Variants in STXBP3 observed in about 807,000 individuals in gnomAD.
STXBP3 encodes syntaxin-binding protein 3.
In STXBP3, 41 loss-of-function variants were observed where a neutral mutation model predicts 85.7. The ratio of observed to expected loss-of-function variants is 0.48; its 90% CI spans 0.37 to 0.62. The LOEUF is 0.62. STXBP3 is among the 20% of genes least tolerant of loss of function. The probability of loss-of-function intolerance (pLI) is 0.00; values close to 1 mark genes in which losing one functional copy is unlikely to be tolerated. For synonymous variants in STXBP3, 229 were observed against 231.7 expected, an observed-to-expected ratio of 0.99 and a Z score of 0.10; for missense variants, 563 against 703.1, an observed-to-expected ratio of 0.80 and a Z score of 2.25.
intron 17 of STXBP3, among the ~76,000 whole-genome samples, chr1:108,802,528 A>G (rs756158496): frequency 2.0e-5 from 3 of 152,170 alleles, no homozygotes; most frequent in South Asian, 2.1e-4. Flanking sequence ...TCTTCCACCA[A>G]TGCAGTAAAG....
Position 108,798,234 on chromosome 1 carries a change from G to A in STXBP3, c.1446G>A (p.Met482Ile). 5 of 1,605,288 alleles carry A rather than the reference G, an allele frequency of 3.1e-6. No homozygotes were observed. The highest frequency in any genetic ancestry group is 3.4e-6 in the Non-Finnish European group (4 of 1,176,832). Residue 482 changes from methionine (M) to isoleucine (I), a missense_variant, in exon 16 of 19, where the codon ATG (methionine) becomes ATA (isoleucine). Physicochemically the swap from Met to Ile is conservative, Grantham distance 10. This residue lies in a region of STXBP3 where 494 missense variants were observed against 592.8 expected (regional missense o/e 0.83). Coordinates refer to ENST00000370008, the MANE Select transcript of STXBP3 (RefSeq NM_007269.4). The part of the protein sequence containing the change: ...SRWTPFIKDI[M>I]EDAIDNRLDS... ...GGACACCTTTTATCAAAGATATTAT[G>A]GAGGTAAAAATCATTAAAATGTTTT...
rs1288300553 is a variant in STXBP3 at position 108,760,049 on chromosome 1, A to G, written c.402A>G (p.Lys134=). Residue 134 remains lysine, a synonymous_variant, in exon 6 of 19, where the codon AAA becomes AAG. Transcript: ENST00000370008. The part of the protein sequence containing the change: ...ASCSKSIRRC[K]EINISFIPHE... Reference sequence around the variant, plus strand: ...GCTCCAAGTCAATAAGAAGATGTAAAGAAATAAATATTTCCTTCATTCCAC... The same window carrying G: ...GCTCCAAGTCAATAAGAAGATGTAAGGAAATAAATATTTCCTTCATTCCAC... 1.3e-5 allele frequency: 21 copies of G among 1,572,110 alleles called. No homozygotes were observed. Among genetic ancestry groups the G allele is most frequent in the Non-Finnish European group, 1.8e-5 (21 of 1,163,592 alleles).
chr1:108,751,718 TA>T (rs1661910370), intron 1 of STXBP3, among the ~76,000 whole-genome samples: 1 of 152,158 alleles, frequency 6.6e-6, no homozygotes, highest in African/African-American at 2.4e-5. Context: ...AACTAATTTT[TA>T]AAACATATTT....
At position 108,809,206 on chromosome 1, in the gene STXBP3, T is replaced by C. The variant is rs1663404415; in HGVS notation, c.*329T>C. On this transcript the variant is annotated 3_prime_UTR_variant, in exon 19 of 19. Coordinates refer to ENST00000370008, the MANE Select transcript of STXBP3 (RefSeq NM_007269.4). ...ACTAATTACCCATTGGATACTTATATCTAAAAGTCTCATGCTGAAGTATAG... is the reference window on the plus strand; with the variant it reads ...ACTAATTACCCATTGGATACTTATACCTAAAAGTCTCATGCTGAAGTATAG... 1 of 166,438 alleles carries C rather than the reference T, an allele frequency of 6.0e-6. No homozygotes were observed. The highest frequency in any genetic ancestry group is 1.3e-5 in the Non-Finnish European group (1 of 77,998). 10.3% of individuals were successfully genotyped at this position (166,438 alleles called of 1,614,324 possible). A position where few individuals can be genotyped will look rare whatever the true frequency, so the allele number is the denominator to read the frequency against.
chr1:108,796,505 A>G, intron 14 of STXBP3, 115 bp from the exon 15 acceptor site: 1 of 1,161,926 alleles, frequency 8.6e-7, no homozygotes, highest in Non-Finnish European at 1.2e-6. Flanking sequence ...ACTGAAGGAG[A>G]TATAATTTGA....
At chr1:108,753,659 A>T (rs964267184) in intron 3 of STXBP3, among the ~76,000 whole-genome samples, 2 of 152,158 alleles carry the variant, frequency 1.3e-5, no homozygotes, top group South Asian at 2.1e-4. Context: ...TCTGAAAAAA[A>T]ATCATAATGT....
intron 6 of STXBP3, among the ~76,000 whole-genome samples, chr1:108,771,372 A>C (rs1438873955): frequency 8.2e-6 from 1 of 122,532 alleles, no homozygotes; most frequent in Non-Finnish European, 1.7e-5. Context: ...ATATATCTAT[A>C]TATATATAAT....
At chr1:108,785,236 C>G (rs1224456117) in intron 11 of STXBP3, among the ~76,000 whole-genome samples, 1 of 152,212 alleles carries the variant, frequency 6.6e-6, no homozygotes, top group African/African-American at 2.4e-5. Flanking sequence ...TCCATCCCTG[C>G]AGCGAACTCC....
intron 6 of STXBP3, 82 bp from the exon 7 acceptor site, chr1:108,772,583 T>C (rs1041731334): frequency 3.7e-6 from 2 of 546,946 alleles, no homozygotes; most frequent in Non-Finnish European, 4.9e-6. Context: ...AATATATACA[T>C]TATATATAAC....
At chr1:108,799,823 C>G (rs187093457) in intron 16 of STXBP3, among the ~76,000 whole-genome samples, 3 of 151,744 alleles carry the variant, frequency 2.0e-5, no homozygotes, top group African/African-American at 7.2e-5. Flanking sequence ...GGAAAACTTC[C>G]CATATCCCAT....
chr1:108,748,056 C>T (rs966055631), intron 1 of STXBP3, among the ~76,000 whole-genome samples: 2 of 152,082 alleles, frequency 1.3e-5, no homozygotes, highest in African/African-American at 4.8e-5. Flanking sequence ...TTCACATTTT[C>T]CTTCTGATCC....
intron 6 of STXBP3, among the ~76,000 whole-genome samples, chr1:108,765,776 G>A (rs981537973): frequency 1.3e-5 from 2 of 150,800 alleles, no homozygotes; most frequent in African/African-American, 4.9e-5. Flanking sequence ...TCACCATGTT[G>A]ACCAGGCTGG....
intron 16 of STXBP3, among the ~76,000 whole-genome samples, 169 bp downstream of exon 16, chr1:108,798,406 C>CTTTTTTTT (rs781000610): frequency 6.6e-4 from 67 of 101,570 alleles, no homozygotes; most frequent in East Asian, 2.2e-3. Context: ...GATTCTTCTT[C>CTTTTTTTT]TTTTTTTTTT....
intron 9 of STXBP3, chr1:108,780,960 GT>G (rs1662705440): frequency 6.6e-6 from 1 of 151,812 alleles, no homozygotes. Context: ...TAGAAATGGG[GT>G]TTTGCTGTGT....
intron 3 of STXBP3, among the ~76,000 whole-genome samples, chr1:108,754,621 G>C (rs190845099): frequency 5.0e-4 from 76 of 152,242 alleles, no homozygotes; most frequent in African/African-American, 1.8e-3. Flanking sequence ...GTTTCTTACT[G>C]TATGCTCACT....
chr1:108,797,517 A>G (rs1427655613), intron 15 of STXBP3, among the ~76,000 whole-genome samples: 2 of 150,046 alleles, frequency 1.3e-5, no homozygotes, highest in Non-Finnish European at 3.0e-5. Flanking sequence ...GGTTCAAGCA[A>G]CTTTCCTGCC....
At chr1:108,787,170 C>G (rs556664312) in intron 11 of STXBP3, among the ~76,000 whole-genome samples, 7 of 151,928 alleles carry the variant, frequency 4.6e-5, no homozygotes, top group African/African-American at 1.7e-4. Flanking sequence ...TTTAAGAGAT[C>G]GGAACTCTGT....
intron 11 of STXBP3, among the ~76,000 whole-genome samples, chr1:108,790,196 T>C (rs952906997): frequency 6.6e-6 from 1 of 152,188 alleles, no homozygotes; most frequent in African/African-American, 2.4e-5. Flanking sequence ...TGATCATGAC[T>C]GTGAATTAGT....
At chr1:108,793,303 C>T (rs996582490) in intron 11 of STXBP3, among the ~76,000 whole-genome samples, 1 of 151,494 alleles carries the variant, frequency 6.6e-6, no homozygotes, top group Admixed American at 6.6e-5. Context: ...TTCCTTCACT[C>T]AGCTGTCTCA....
Sources: gnomAD v4.1 joint callset for allele counts (sites outside exome capture counted in the v4.1 genomes callset) on GRCh38, gnomAD v4.1.1 for gene constraint, gnomAD v4.1.1 regional missense constraint, MANE v1.5 for transcripts, NCBI Gene and HGNC (gene_info 2026-07-23, HGNC 2026-07-21) for gene names.